Variants in CEP135 observed in about 807,000 individuals in gnomAD.
The protein encoded by CEP135 is centrosomal protein of 135 kDa.
CEP135 carries 142 observed loss-of-function variants against 157.3 expected under a neutral mutation model. That is an observed-to-expected ratio of 0.90 (90% confidence interval 0.79 to 1.04). The LOEUF (loss-of-function observed/expected upper bound fraction) is 1.04, where lower values mean the gene tolerates loss of function less well. CEP135 is among the 50% of genes least tolerant of loss of function. The probability of loss-of-function intolerance (pLI) is 0.00; values close to 1 mark genes in which losing one functional copy is unlikely to be tolerated. For synonymous variants in CEP135, 396 were observed against 439.8 expected (o/e 0.90, Z 1.25); for missense variants, 1,317 against 1,309.2 (o/e 1.01, Z -0.09).
chr4:55,976,235 C>CAAAAA (rs749867669), intron 11 of CEP135, among the ~76,000 whole-genome samples: 1 of 79,586 alleles, frequency 1.3e-5, no homozygotes. Flanking sequence ...GCCTGGGTGA[C>CAAAAA]AAAAAAAAAA....
intron 11 of CEP135, among the ~76,000 whole-genome samples, chr4:55,978,511 T>C (rs1729297517): frequency 6.6e-6 from 1 of 152,218 alleles, no homozygotes. Context: ...TATTGAGCCC[T>C]CCTTTTCTAG....
intron 9 of CEP135, among the ~76,000 whole-genome samples, chr4:55,970,396 A>G (rs372349616): frequency 5.9e-5 from 9 of 152,358 alleles, no homozygotes; most frequent in African/African-American, 2.2e-4. Flanking sequence ...ATTTTAAAAA[A>G]ATAACCTGTT....
rs139474852 is a variant in CEP135, at chr4:56,017,651, A to G, written c.2806A>G (p.Ile936Val). Residue 936 changes from isoleucine to valine, a missense_variant, in exon 22 of 26, where the codon ATA (isoleucine) becomes GTA (valine). By Grantham distance (29) the Ile-to-Val change is conservative. Coordinates refer to ENST00000257287, the MANE Select transcript of CEP135 (RefSeq NM_025009.5). ...ELLEKEIQEH[I>V]NAHHAYESQI... Reference sequence around the variant, plus strand: ...TTGTTTCTTTTTCTTTTTTCAGCACATAAATGCCCATCATGCTTATGAATC... The same window carrying G: ...TTGTTTCTTTTTCTTTTTTCAGCACGTAAATGCCCATCATGCTTATGAATC... 1.3e-4 allele frequency: 204 copies of G among 1,591,112 alleles called. 1 individual carries two copies. In the African/African-American group the frequency reaches 2.4e-3, roughly 19 times the overall value.
chr4:55,990,130 G>C (rs1247965655), intron 14 of CEP135, among the ~76,000 whole-genome samples: 1 of 152,028 alleles, frequency 6.6e-6, no homozygotes, highest in Non-Finnish European at 1.5e-5. Flanking sequence ...TTTGCTTTTT[G>C]TTACCTGGTT....
intron 13 of CEP135, among the ~76,000 whole-genome samples, chr4:55,984,461 T>C (rs1729510160): frequency 6.6e-6 from 1 of 152,228 alleles, no homozygotes; most frequent in African/African-American, 2.4e-5. Context: ...TTTTGAGCTC[T>C]TATTTAGGTT....
intron 6 of CEP135, 135 bp downstream of exon 6, chr4:55,959,901 A>G (rs1185784541): frequency 1.3e-6 from 1 of 753,768 alleles, no homozygotes; most frequent in African/African-American, 1.8e-5. Context: ...GTTTGTTAAT[A>G]GAGTTAATAG....
chr4:55,969,129 G>A lies in CEP135; in HGVS notation c.1110+1G>A, dbSNP rs140039256. On this transcript the variant is annotated splice_donor_variant, in intron 9 of 25. Coordinates refer to ENST00000257287, the MANE Select transcript of CEP135 (RefSeq NM_025009.5). LOFTEE classifies it high-confidence loss of function. ...AGAAACAATGGCAAAACTTCAGCTGGTAAGTTGATGTCATGTTGAATTGCC... is the reference window on the plus strand; with the variant it reads ...AGAAACAATGGCAAAACTTCAGCTGATAAGTTGATGTCATGTTGAATTGCC... The A allele has an allele frequency of 1.0e-4, 169 of 1,611,230 alleles. 1 individual carries two copies. The African/African-American group carries it at 2.2e-3, about 21-fold the overall frequency.
chr4:55,980,071 C>T, intron 11 of CEP135, 72 bp from the exon 12 acceptor site: 2 of 1,213,888 alleles, frequency 1.6e-6, no homozygotes, highest in Admixed American at 2.3e-5. Flanking sequence ...ATCTTTCAGT[C>T]AATCTCATCA....
In CEP135 at chr4:56,019,695, G is replaced by T; in HGVS notation, c.3215+140G>T. The T allele has an allele frequency of 4.7e-6, 3 of 634,294 alleles. No homozygotes were observed. The South Asian group carries it at 6.2e-5, about 13-fold the overall frequency. 39.3% of individuals were successfully genotyped at this position (634,294 alleles called of 1,614,324 possible). A position where few individuals can be genotyped will look rare whatever the true frequency, so the allele number is the denominator to read the frequency against. ...TCACACCTGTAATCCCAGCACTTTG[G>T]GAGGCCAAGGCGGGTAGATTGCCTG... is the stretch of plus-strand genomic sequence containing the variant. On this transcript the variant is annotated intron_variant, in intron 23 of 25. Transcript: ENST00000257287.
chr4:56,015,498 G>T (rs1264728023), intron 21 of CEP135, among the ~76,000 whole-genome samples: 1 of 152,254 alleles, frequency 6.6e-6, no homozygotes, highest in Non-Finnish European at 1.5e-5. Flanking sequence ...GGGACACAGG[G>T]TGGGGCCCCC....
At position 55,987,474 on chromosome 4, in the gene CEP135, A is replaced by G. The variant is rs536281938; in HGVS notation, c.1857+2116A>G. On this transcript the variant is annotated intron_variant, in intron 14 of 25. Coordinates refer to ENST00000257287, the MANE Select transcript of CEP135 (RefSeq NM_025009.5). ...CTTGGGGCAGACCACTGGGTTCCAT[A>G]TCGGTTCCTTTCCCTGTGTCACAGT... Among the ~76,000 whole-genome samples the G allele has an allele frequency of 9.7e-4, 147 of 152,178 alleles. 1 individual carries two copies. The highest frequency in any genetic ancestry group is 3.5e-3 in the African/African-American group (145 of 41,514).
chr4:55,967,884 T>G (rs2109661247), intron 8 of CEP135, among the ~76,000 whole-genome samples: 1 of 152,316 alleles, frequency 6.6e-6, no homozygotes, highest in East Asian at 1.9e-4. Flanking sequence ...GGATTCCCAC[T>G]CTTGTCACTG....
Position 55,981,242 on chromosome 4 carries a change from TCTG to T in CEP135, c.1644_1646del (p.Ala549del), listed in dbSNP as rs776271846. 235 of 1,585,460 alleles carry T rather than the reference TCTG, an allele frequency of 1.5e-4. 2 individuals are homozygous for T. The South Asian group carries it at 2.6e-3, about 18-fold the overall frequency. Reference sequence around the variant, plus strand: ...ATTCTTTAAGGCTCAGGAAGAATTATCTGCCCTAAGAAAGGAATCCACCCAAAC... The same window carrying T: ...ATTCTTTAAGGCTCAGGAAGAATTATCCCTAAGAAAGGAATCCACCCAAAC... On this transcript the variant is annotated inframe_deletion, in exon 13 of 26. Transcript: ENST00000257287.
rs1039898516 is a variant in CEP135 at position 55,965,709 on chromosome 4, G to A, written c.894G>A (p.Lys298=). ...GTATACGAGAGCTTATGGAAACCAA[G>A]GAAACAGTGACATCTGAAGTCGTTA... ...EKRIRELMET[K]ETVTSEVVNL... The change falls in exon 8 of 26, where the codon AAG becomes AAA. Residue 298 remains lysine (K), a synonymous_variant. Coordinates refer to ENST00000257287, the MANE Select transcript of CEP135 (RefSeq NM_025009.5). 1 of 1,613,690 alleles carries A rather than the reference G, an allele frequency of 6.2e-7. No homozygotes were observed. The highest frequency in any genetic ancestry group is 1.3e-5 in the African/African-American group (1 of 74,874).
chr4:55,991,324 T>C (rs113576162), intron 14 of CEP135, among the ~76,000 whole-genome samples: 48 of 150,782 alleles, frequency 3.2e-4, no homozygotes, highest in African/African-American at 1.2e-3. Context: ...TTTTCTTTTT[T>C]TTTTTTTTTG....
chr4:56,026,164 G>A (rs752056942), intron 25 of CEP135, among the ~76,000 whole-genome samples: 9 of 152,016 alleles, frequency 5.9e-5, no homozygotes, highest in Non-Finnish European at 8.8e-5. Flanking sequence ...AGCCCAGATC[G>A]CGCCACTGCA....
intron 22 of CEP135, 88 bp downstream of exon 22, chr4:56,017,945 C>T: frequency 1.8e-6 from 2 of 1,110,778 alleles, no homozygotes; most frequent in Admixed American, 2.7e-5. Flanking sequence ...CATGCATATA[C>T]TTGTTTCCTT....
At chr4:56,028,630 G>T (rs535855646) in intron 25 of CEP135, among the ~76,000 whole-genome samples, 24 of 151,598 alleles carry the variant, frequency 1.6e-4, no homozygotes, top group African/African-American at 5.8e-4. Context: ...AAAATGAATT[G>T]CTCAACTATA....
chr4:55,993,580 T>C (rs925055425), intron 15 of CEP135, among the ~76,000 whole-genome samples: 7 of 152,220 alleles, frequency 4.6e-5, no homozygotes, highest in African/African-American at 1.7e-4. Context: ...CTCCTCTGGC[T>C]CATGTCTGGA....
Sources: gnomAD v4.1 joint callset for allele counts (sites outside exome capture counted in the v4.1 genomes callset) on GRCh38, gnomAD v4.1.1 for gene constraint, MANE v1.5 for transcripts, NCBI Gene and HGNC (gene_info 2026-07-23, HGNC 2026-07-21) for gene names.